Variants in TJP2 observed in about 807,000 individuals in gnomAD.
The protein encoded by TJP2 is Friedreich ataxia region gene X104 (tight junction protein ZO-2).
A neutral mutation model predicts 133.1 loss-of-function variants in TJP2; 91 were observed. That is an observed-to-expected ratio of 0.68 (90% confidence interval 0.58 to 0.81). The LOEUF is 0.81. Among genes scored for constraint, TJP2 ranks in the 40% least tolerant of loss-of-function variants. The pLI, the probability that TJP2 is intolerant of heterozygous loss-of-function variation, is 0.00. For synonymous variants in TJP2, 592 were observed against 583.4 expected, an observed-to-expected ratio of 1.01 and a Z score of -0.21; for missense variants, 1,541 against 1,565.6, an observed-to-expected ratio of 0.98 and a Z score of 0.26.
At chr9:69,163,020 A>ATTTTTTTTTTTTTTTTTTTT (rs201502981) in intron 2 of TJP2, among the ~76,000 whole-genome samples, 1 of 86,014 alleles carries the variant, frequency 1.2e-5, no homozygotes. Flanking sequence ...AAGTATCTTT[A>ATTTTTTTTTTTTTTTTTTTT]TTTTATTTTA....
At position 69,221,212 on chromosome 9, in the gene TJP2, G is replaced by T. The variant is rs1199038888; in HGVS notation, c.668G>T (p.Arg223Leu). The change falls in exon 5 of 23, where the codon CGG (arginine) becomes CTG (leucine). Residue 223 changes from arginine (R) to leucine (L), a missense_variant. Arg to Leu is a moderately radical substitution (Grantham distance 102). Coordinates refer to ENST00000377245, the MANE Select transcript of TJP2 (RefSeq NM_004817.4). Reference protein sequence around the residue: ...RDRSRGRSLERGLDHDFGPSR... With the variant: ...RDRSRGRSLELGLDHDFGPSR... ...CGCAGCCGTGGCCGGAGCCTGGAGC[G>T]GGGCCTGGACCACGACTTTGGGCCA... 2.5e-6 allele frequency: 4 copies of T among 1,603,542 alleles called. No homozygotes were observed. In the African/African-American group the frequency reaches 5.4e-5, roughly 21 times the overall value.
intron 1 of TJP2, among the ~76,000 whole-genome samples, chr9:69,130,775 G>C (rs1822461647): frequency 6.6e-6 from 1 of 152,148 alleles, no homozygotes; most frequent in Admixed American, 6.6e-5. Context: ...TGGCTGCGAG[G>C]AAGAACAGAG....
intron 1 of TJP2, among the ~76,000 whole-genome samples, chr9:69,147,515 A>G (rs527779134): frequency 6.6e-6 from 1 of 152,318 alleles, no homozygotes; most frequent in Admixed American, 6.5e-5. Flanking sequence ...CATCCTGATC[A>G]AGGGCCTGGC....
At chr9:69,176,220 A>G (rs555550738) in intron 1 of TJP2, among the ~76,000 whole-genome samples, 3 of 152,242 alleles carry the variant, frequency 2.0e-5, no homozygotes, top group South Asian at 2.1e-4. Context: ...GCAAGCCACT[A>G]TAGAAAATGG....
chr9:69,241,384 A>G (rs995770725), intron 17 of TJP2, among the ~76,000 whole-genome samples: 6 of 152,208 alleles, frequency 3.9e-5, no homozygotes, highest in Admixed American at 3.9e-4. Flanking sequence ...GGATGAGGAT[A>G]GCTCATTGAG....
intron 1 of TJP2, among the ~76,000 whole-genome samples, chr9:69,186,379 C>G (rs1378119602): frequency 2.0e-5 from 3 of 152,142 alleles, no homozygotes; most frequent in Non-Finnish European, 4.4e-5. Context: ...GGCAAATATT[C>G]GAAATGGAAA....
chr9:69,229,086 C>CATAT (rs764149358), intron 9 of TJP2, 98 bp from the exon 10 acceptor site: 18 of 1,110,586 alleles, frequency 1.6e-5, no homozygotes, highest in East Asian at 1.2e-4. Flanking sequence ...ACATATGTGG[C>CATAT]ATAGACTTAC....
intron 2 of TJP2, among the ~76,000 whole-genome samples, chr9:69,158,692 A>G (rs957214733): frequency 3.9e-5 from 6 of 152,038 alleles, no homozygotes; most frequent in African/African-American, 1.4e-4. Context: ...GCCTCAAGCA[A>G]TCCTCCTGCT....
intron 2 of TJP2, among the ~76,000 whole-genome samples, chr9:69,154,882 C>T (rs1325026705): frequency 6.6e-6 from 1 of 152,010 alleles, no homozygotes; most frequent in African/African-American, 2.4e-5. Context: ...AATTTAGATA[C>T]CTTAAAGTTA....
intron 1 of TJP2, among the ~76,000 whole-genome samples, chr9:69,144,028 A>T (rs1323925939): frequency 6.6e-6 from 1 of 152,108 alleles, no homozygotes. Flanking sequence ...TTTGAGACAG[A>T]GTCTCTCTCT....
intron 1 of TJP2, among the ~76,000 whole-genome samples, chr9:69,210,295 C>CG (rs1563912795): frequency 2.0e-5 from 1 of 50,160 alleles, no homozygotes; most frequent in African/African-American, 6.4e-5. Context: ...TCCCCCCCCC[C>CG]CCCCAAAAAA....
chr9:69,155,339 T>A (rs558354715), intron 2 of TJP2, among the ~76,000 whole-genome samples: 59 of 151,870 alleles, frequency 3.9e-4, no homozygotes, highest in Non-Finnish European at 7.1e-4. Flanking sequence ...CTTCTTTCCC[T>A]CTTCCCTAGG....
chr9:69,255,115 C>G lies in TJP2; in HGVS notation c.*741C>G, dbSNP rs1318766764. ...TTTAAACCCAAGTGCTGCACAAAAG[C>G]AGATACTTGAGGAAAACACTATTTC... On this transcript the variant is annotated 3_prime_UTR_variant, in exon 23 of 23. Transcript: ENST00000377245. 6.5e-6 allele frequency: 1 copy of G among 152,858 alleles called. No individual in the cohort carries two copies. Among genetic ancestry groups the G allele is most frequent in the Non-Finnish European group, 1.5e-5 (1 of 68,514 alleles). 9.5% of individuals were successfully genotyped at this position (152,858 alleles called of 1,614,324 possible). A position where few individuals can be genotyped will look rare whatever the true frequency, so the allele number is the denominator to read the frequency against.
intron 2 of TJP2, among the ~76,000 whole-genome samples, chr9:69,159,864 C>CA (rs529283295): frequency 0.042 from 3,656 of 87,528 alleles, 58 homozygotes; most frequent in Non-Finnish European, 0.055. Context: ...GACTCTGTCT[C>CA]AAAAAAAAAA....
At position 69,236,072 on chromosome 9, in the gene TJP2, A is replaced by T. The variant is rs1472698920; in HGVS notation, c.1825A>T (p.Ile609Leu). ...LACGRGDSFF[I>L]RSHFECEKET... ...TTGTGGCAGAGGGGATTCGTTTTTT[A>T]TAAGAAGCCACTTTGAATGTGAGAA... Residue 609 changes from isoleucine (I) to leucine (L), a missense_variant, in exon 13 of 23, where the codon ATA (isoleucine) becomes TTA (leucine). Physicochemically the swap from Ile to Leu is conservative, Grantham distance 5. Transcript: ENST00000377245. 6 of 1,614,008 alleles carry T rather than the reference A, an allele frequency of 3.7e-6. No individual in the cohort carries two copies. Among genetic ancestry groups the T allele is most frequent in the Non-Finnish European group, 5.1e-6 (6 of 1,180,016 alleles).
Position 69,174,284 on chromosome 9 carries a change from T to C in TJP2, c.-89T>C. 1 of 1,547,926 alleles carries C rather than the reference T, an allele frequency of 6.5e-7. No homozygotes were observed. Among genetic ancestry groups the C allele is most frequent in the Non-Finnish European group, 8.7e-7 (1 of 1,145,434 alleles). On this transcript the variant is annotated 5_prime_UTR_variant, in exon 1 of 23. Transcript: ENST00000377245. ...GCGGTTGGGCTGCGGGTCAGAGCAC[T>C]GTCCGGTGGTGCCCAGGAGGAGTAG...
upstream of TJP2, among the ~76,000 whole-genome samples, chr9:69,172,499 A>G (rs1824742725): frequency 1.3e-5 from 2 of 152,340 alleles, no homozygotes; most frequent in East Asian, 3.9e-4. Context: ...GTTAATTTAC[A>G]TGTAAATGTA....
chr9:69,186,627 A>C (rs140224959), intron 1 of TJP2, among the ~76,000 whole-genome samples: 31 of 152,366 alleles, frequency 2.0e-4, no homozygotes, highest in Admixed American at 3.9e-4. Context: ...AAATAGAGCC[A>C]GAGGGGAGCT....
chr9:69,196,942 TGTGTACAC>T (rs1379260109), intron 1 of TJP2, among the ~76,000 whole-genome samples: 4 of 39,548 alleles, frequency 1.0e-4, no homozygotes, highest in Non-Finnish European at 1.9e-4. Context: ...TGTGTGTGTG[TGTGTACAC>T]ACACACACAC....
Sources: allele counts gnomAD v4.1 joint callset (sites outside exome capture counted in the v4.1 genomes callset), GRCh38; gene constraint gnomAD v4.1.1; transcripts MANE v1.5; gene names NCBI Gene and HGNC (gene_info 2026-07-23, HGNC 2026-07-21).